Variants in SEPTIN9 observed in about 807,000 individuals in gnomAD.
SEPTIN9 encodes the protein septin-9.
SEPTIN9 carries 13 observed loss-of-function variants against 56.6 expected under a neutral mutation model. The ratio of observed to expected loss-of-function variants is 0.23; its 90% CI spans 0.15 to 0.37. SEPTIN9 has a LOEUF of 0.37. Ranked by LOEUF, SEPTIN9 falls within the 10% of genes least tolerant of loss-of-function variation. The pLI is 1.00. For missense variants in SEPTIN9, 650 were observed against 823.1 expected, an observed-to-expected ratio of 0.79 and a Z score of 2.57; for synonymous variants, 332 against 334.1, an observed-to-expected ratio of 0.99 and a Z score of 0.07.
chr17:77,392,419 C>T (rs773137181), intron 2 of SEPTIN9, among the ~76,000 whole-genome samples: 10 of 152,224 alleles, frequency 6.6e-5, no homozygotes, highest in Non-Finnish European at 1.0e-4. Flanking sequence ...CACCTCCATC[C>T]AGGGGTTAGT....
In SEPTIN9 at chr17:77,320,373, C is replaced by T. The variant is rs138930673; in HGVS notation, c.76+13176C>T. The T allele has an allele frequency of 2.2e-3, 3,548 of 1,601,710 alleles. 78 individuals carry two copies. The African/African-American group carries it at 0.038, about 17-fold the overall frequency. ...GGTACGCAGACAGCCCCCTCCCCAT[C>T]GGCCGCCCCCCACTGCCCTGGACTC... On this transcript the variant is annotated intron_variant, in intron 2 of 11. Coordinates refer to ENST00000427177, the MANE Select transcript of SEPTIN9 (RefSeq NM_001113491.2).
chr17:77,468,268 A>C (rs73375399), intron 3 of SEPTIN9, among the ~76,000 whole-genome samples: 9,587 of 152,162 alleles, frequency 0.063, 637 homozygotes, highest in South Asian at 0.2. Flanking sequence ...CCATCTCAAA[A>C]AAAACAAAAC....
chr17:77,462,570 C>T (rs1416414622), intron 3 of SEPTIN9, among the ~76,000 whole-genome samples: 4 of 152,036 alleles, frequency 2.6e-5, no homozygotes, highest in African/African-American at 9.7e-5. Flanking sequence ...AGGTGTGAGC[C>T]ACTGTGCCCG....
At chr17:77,357,437 A>T (rs1189017645) in intron 2 of SEPTIN9, among the ~76,000 whole-genome samples, 1 of 152,132 alleles carries the variant, frequency 6.6e-6, no homozygotes, top group African/African-American at 2.4e-5. Context: ...CATCACCTAG[A>T]TTCTACCACT....
rs150987930 is a variant in SEPTIN9 at position 77,296,689 on chromosome 17, C to T, written c.20-10452C>T. On this transcript the variant is annotated intron_variant, in intron 1 of 11. Transcript: ENST00000427177. ...CTAACAGGGTGAAACCCCATCTCTA[C>T]TAAAAATAGAAAAATTAGCTGGGCG... is the stretch of plus-strand genomic sequence containing the variant. Among the ~76,000 whole-genome samples, 1,447 of 152,166 alleles carry T rather than the reference C, an allele frequency of 9.5e-3. 21 individuals carry two copies. The highest frequency in any genetic ancestry group is 0.032 in the African/African-American group (1,340 of 41,502).
intron 3 of SEPTIN9, among the ~76,000 whole-genome samples, chr17:77,473,082 G>A (rs976258055): frequency 1.3e-5 from 2 of 152,156 alleles, no homozygotes; most frequent in African/African-American, 4.8e-5. Context: ...ATTCCTTATC[G>A]TCTCTGTCCA....
At chr17:77,438,984 CGA>C in intron 3 of SEPTIN9, among the ~76,000 whole-genome samples, 1 of 152,128 alleles carries the variant, frequency 6.6e-6, no homozygotes, top group Non-Finnish European at 1.5e-5. Context: ...CAAATGAAGG[CGA>C]GGGTGTGGGC....
chr17:77,480,536 C>T (rs2039413317), intron 3 of SEPTIN9, among the ~76,000 whole-genome samples: 1 of 152,250 alleles, frequency 6.6e-6, no homozygotes, highest in Non-Finnish European at 1.5e-5. Context: ...CTGCCTCCCA[C>T]CTTCTGGGCA....
chr17:77,289,799 G>A (rs946750997), intron 1 of SEPTIN9, among the ~76,000 whole-genome samples: 13 of 152,096 alleles, frequency 8.5e-5, no homozygotes, highest in African/African-American at 3.1e-4. Flanking sequence ...TTTGTTGTCA[G>A]TTTTCTGTAT....
At chr17:77,281,642 G>GC in intron 1 of SEPTIN9, 88 bp downstream of exon 1, 1 of 1,302,286 alleles carries the variant, frequency 7.7e-7, no homozygotes, top group Non-Finnish European at 1.0e-6. Context: ...GTGGCGAGGC[G>GC]CCCCCGGAGC....
chr17:77,449,567 G>A lies in SEPTIN9; in HGVS notation c.722-32577G>A, dbSNP rs572915035. Among the ~76,000 whole-genome samples the A allele has an allele frequency of 2.0e-5, 3 of 152,340 alleles. No homozygotes were observed. The highest frequency in any genetic ancestry group is 4.1e-4 in the South Asian group (2 of 4,832). On this transcript the variant is annotated intron_variant, in intron 3 of 11. Coordinates refer to ENST00000427177, the MANE Select transcript of SEPTIN9 (RefSeq NM_001113491.2). This position sits in a 1 kb window ranked among gnomAD's most constrained non-coding sequence, Gnocchi z 4.6. ...GCCAAGGAAGAAGGGTTCTGCCCACGGGGAGGGAGAGGCCCACGGGGCAGG... is the reference window on the plus strand; with the variant it reads ...GCCAAGGAAGAAGGGTTCTGCCCACAGGGAGGGAGAGGCCCACGGGGCAGG...
intron 3 of SEPTIN9, among the ~76,000 whole-genome samples, chr17:77,480,708 T>TC (rs2039421926): frequency 6.6e-6 from 1 of 152,064 alleles, no homozygotes; most frequent in African/African-American, 2.4e-5. Flanking sequence ...TGCCCACCGG[T>TC]CCCAGGGAAA....
chr17:77,341,198 G>A (rs9914860), intron 2 of SEPTIN9, among the ~76,000 whole-genome samples: 56,916 of 151,904 alleles, frequency 0.37, 11,902 homozygotes, highest in East Asian at 0.49. Flanking sequence ...CTTTCGACAC[G>A]CCTTCCTCAC....
chr17:77,464,349 A>G (rs2038613132), intron 3 of SEPTIN9, among the ~76,000 whole-genome samples: 2 of 152,302 alleles, frequency 1.3e-5, no homozygotes, highest in South Asian at 4.1e-4. Context: ...AAGCGCTGGG[A>G]TTACAGGCGT....
At chr17:77,490,513 G>T (rs1009218165) in intron 7 of SEPTIN9, among the ~76,000 whole-genome samples, 2 of 152,338 alleles carry the variant, frequency 1.3e-5, no homozygotes, top group East Asian at 3.9e-4. Context: ...GCTGGCCCTG[G>T]CCCGCCTGGC....
At chr17:77,442,033 G>T (rs545390268) in intron 3 of SEPTIN9, 1 of 152,316 alleles carries the variant, frequency 6.6e-6, no homozygotes, top group East Asian at 1.9e-4. Flanking sequence ...TGAGAGAAAA[G>T]ACAGATTTAA....
In SEPTIN9 at chr17:77,389,151, C is replaced by T. The variant is rs929046325; in HGVS notation, c.77-12908C>T. 6.6e-5 allele frequency among the ~76,000 whole-genome samples: 10 copies of T among 152,114 alleles called. No individual in the cohort carries two copies. The highest frequency in any genetic ancestry group is 1.9e-4 in the African/African-American group (8 of 41,410). The stretch of plus-strand genomic sequence containing the variant: ...GCACCGAGCAGCCTTGCTGGCTCCT[C>T]GCAGGGAGCTGGGATGCATTTCTAA... On this transcript the variant is annotated intron_variant, in intron 2 of 11. Coordinates refer to ENST00000427177, the MANE Select transcript of SEPTIN9 (RefSeq NM_001113491.2). This position sits in a 1 kb window ranked among gnomAD's most constrained non-coding sequence, Gnocchi z 4.3.
intron 3 of SEPTIN9, chr17:77,419,739 A>C (rs1394040393): frequency 6.6e-6 from 1 of 152,440 alleles, no homozygotes; most frequent in Admixed American, 6.5e-5. Flanking sequence ...GGAAGCAGCA[A>C]GTCCCGGTCA....
intron 2 of SEPTIN9, among the ~76,000 whole-genome samples, chr17:77,372,568 T>G (rs926601029): frequency 3.9e-5 from 6 of 152,194 alleles, no homozygotes; most frequent in African/African-American, 1.4e-4. Context: ...AAGGTCTACT[T>G]CCTGCTCTCA....
Sources: gnomAD v4.1 joint callset for allele counts (sites outside exome capture counted in the v4.1 genomes callset) on GRCh38, gnomAD v4.1.1 for gene constraint, Gnocchi (gnomAD v3.1) non-coding constraint, MANE v1.5 for transcripts, NCBI Gene and HGNC (gene_info 2026-07-23, HGNC 2026-07-21) for gene names.